The following C12orf42 variants were observed in gnomAD, a reference collection of about 807,000 sequenced individuals.
The protein encoded by C12orf42 is uncharacterized protein C12orf42.
A neutral mutation model predicts 21.6 loss-of-function variants in C12orf42; 25 were observed. That is an observed-to-expected ratio of 1.16 (90% CI 0.84 to 1.62). The LOEUF is 1.62. C12orf42 is among the 40% of genes most tolerant of loss of function. The probability of loss-of-function intolerance (pLI) is 0.00; values close to 1 mark genes in which losing one functional copy is unlikely to be tolerated. For synonymous variants in C12orf42, 174 were observed against 175.0 expected (o/e 0.99, Z 0.05); for missense variants, 483 against 459.3 (o/e 1.05, Z -0.47).
chr12:103,450,118 A>G (rs1159831083), intron 2 of C12orf42, among the ~76,000 whole-genome samples: 1 of 151,972 alleles, frequency 6.6e-6, no homozygotes, highest in Non-Finnish European at 1.5e-5. Context: ...TTAGGTTTTC[A>G]CCTTAGATTT....
At chr12:103,411,946 C>G (rs147734619) in intron 2 of C12orf42, among the ~76,000 whole-genome samples, 1 of 152,236 alleles carries the variant, frequency 6.6e-6, no homozygotes, top group African/African-American at 2.4e-5. Context: ...TAACATACTT[C>G]TACTCTAAAT....
chr12:103,165,094 T>C, the C12orf42 span, among the ~76,000 whole-genome samples: 8 of 152,204 alleles, frequency 5.3e-5, no homozygotes, highest in African/African-American at 1.9e-4. Flanking sequence ...ACACATAGTC[T>C]GTGTTCCTGG....
At chr12:103,148,577 T>A in the C12orf42 span, among the ~76,000 whole-genome samples, 1 of 152,134 alleles carries the variant, frequency 6.6e-6, no homozygotes, top group Non-Finnish European at 1.5e-5. Flanking sequence ...ACCAAGTTCA[T>A]CCTAACTAAT....
At chr12:103,339,787 C>T (rs925117802) in intron 4 of C12orf42, among the ~76,000 whole-genome samples, 8 of 152,118 alleles carry the variant, frequency 5.3e-5, no homozygotes, top group Non-Finnish European at 1.2e-4. Flanking sequence ...CATTTAGGTG[C>T]TATGGATACT....
chr12:103,140,560 A>T, the C12orf42 span, among the ~76,000 whole-genome samples: 21 of 152,310 alleles, frequency 1.4e-4, no homozygotes, highest in African/African-American at 5.1e-4. Flanking sequence ...CATCTGTTAC[A>T]TAATAGTCAA....
intron 2 of C12orf42, among the ~76,000 whole-genome samples, chr12:103,435,050 A>G (rs1311815338): frequency 6.6e-6 from 1 of 152,140 alleles, no homozygotes; most frequent in Non-Finnish European, 1.5e-5. Context: ...GCAGCTGGAG[A>G]TCTGAGAACA....
intron 3 of C12orf42, among the ~76,000 whole-genome samples, chr12:103,382,983 G>T (rs1470066092): frequency 6.6e-6 from 1 of 152,118 alleles, no homozygotes; most frequent in Non-Finnish European, 1.5e-5. Flanking sequence ...GCTCTTCAAA[G>T]ACCAGTCAAG....
In C12orf42 at chr12:103,322,108, TGCGTGCGC is replaced by T. The variant is rs760938931; in HGVS notation, c.260-15771_260-15764del. On this transcript the variant is annotated intron_variant, in intron 4 of 5. Transcript: ENST00000548883. ...CTGTCTTCTCAGATGTGCACGCGCG[TGCGTGCGC>T]GCGCGCGCGCACACACACACACACA... 9.4e-4 allele frequency among the ~76,000 whole-genome samples: 115 copies of T among 122,188 alleles called. No individual in the cohort carries two copies. The South Asian group carries it at 0.014, about 15-fold the overall frequency. 80.2% of individuals were successfully genotyped at this position (122,188 alleles called of 152,430 possible).
chr12:103,157,158 A>G, the C12orf42 span, among the ~76,000 whole-genome samples: 2 of 152,136 alleles, frequency 1.3e-5, no homozygotes, highest in Non-Finnish European at 2.9e-5. Context: ...ATTTTTAATA[A>G]TCACCATTCT....
At chr12:103,344,086 T>C (rs2042403813) in intron 4 of C12orf42, among the ~76,000 whole-genome samples, 1 of 152,180 alleles carries the variant, frequency 6.6e-6, no homozygotes, top group Non-Finnish European at 1.5e-5. Context: ...TCACCTGATA[T>C]GACCAAATTA....
chr12:103,396,394 C>T (rs1296738698), intron 3 of C12orf42: 9 of 152,176 alleles, frequency 5.9e-5, no homozygotes, highest in East Asian at 1.9e-4. Flanking sequence ...CAGTCAATTA[C>T]GCCTCTTTTG....
In C12orf42 at chr12:103,478,461, A is replaced by T. The variant is rs773950729; in HGVS notation, c.-21-14T>A. 5.3e-6 allele frequency: 7 copies of T among 1,324,854 alleles called. No individual in the cohort carries two copies. The South Asian group carries it at 8.2e-5, about 16-fold the overall frequency. 82.1% of individuals were successfully genotyped at this position (1,324,854 alleles called of 1,614,324 possible). On this transcript the variant is annotated splice_polypyrimidine_tract_variant and intron_variant, in intron 1 of 5. Transcript: ENST00000548883. ...AAGTTCAACTCCCTATAAACAAAGAATGGAGAAAGAAGAGCAGGTTTACAA... is the reference window on the plus strand; with the variant it reads ...AAGTTCAACTCCCTATAAACAAAGATTGGAGAAAGAAGAGCAGGTTTACAA...
At chr12:103,399,193 A>G (rs1335632536) in intron 3 of C12orf42, among the ~76,000 whole-genome samples, 2 of 151,822 alleles carry the variant, frequency 1.3e-5, no homozygotes, top group Admixed American at 6.6e-5. Context: ...CAGGTAGATA[A>G]TCAATATTAT....
intron 4 of C12orf42, among the ~76,000 whole-genome samples, chr12:103,331,113 C>T (rs2041205508): frequency 6.6e-6 from 1 of 152,104 alleles, no homozygotes; most frequent in South Asian, 2.1e-4. Context: ...TGAAAATATC[C>T]TGTCAAACTG....
chr12:103,127,506 T>C, the C12orf42 span, among the ~76,000 whole-genome samples: 6 of 152,308 alleles, frequency 3.9e-5, no homozygotes, highest in East Asian at 1.2e-3. Context: ...AGTGTGTGTG[T>C]ATATATGTAC....
intron 1 of C12orf42, among the ~76,000 whole-genome samples, chr12:103,487,733 C>G (rs1954929738): frequency 6.6e-6 from 1 of 152,074 alleles, no homozygotes; most frequent in Non-Finnish European, 1.5e-5. Context: ...CTCTTTTGAT[C>G]TTTGTTGGTT....
intron 4 of C12orf42, among the ~76,000 whole-genome samples, chr12:103,366,605 A>T (rs1378372666): frequency 2.0e-5 from 3 of 152,112 alleles, no homozygotes; most frequent in Non-Finnish European, 4.4e-5. Flanking sequence ...AACAAACTCA[A>T]ACAAATTAGC....
intron 1 of C12orf42, among the ~76,000 whole-genome samples, chr12:103,479,604 T>C (rs1466690372): frequency 6.6e-6 from 1 of 152,102 alleles, no homozygotes; most frequent in Non-Finnish European, 1.5e-5. Flanking sequence ...ATCAAGTAAA[T>C]TTTTCTTCTA....
intron 10 of C12orf42, chr12:103,263,309 A>C (rs1337034926): frequency 6.6e-6 from 1 of 152,122 alleles, no homozygotes; most frequent in Non-Finnish European, 1.5e-5. Context: ...ATAAAAAATA[A>C]AAATAAAAAA....
Sources: gnomAD v4.1 joint callset for allele counts (sites outside exome capture counted in the v4.1 genomes callset) on GRCh38, gnomAD v4.1.1 for gene constraint, MANE v1.5 for transcripts, NCBI Gene and HGNC (gene_info 2026-07-23, HGNC 2026-07-21) for gene names.